FGF13: variants seen among roughly 807,000 people sequenced by gnomAD.
FGF13 encodes the protein fibroblast growth factor homologous factor 2.
In FGF13, 2 loss-of-function variants were observed where a neutral mutation model predicts 19.5. That is an observed-to-expected ratio of 0.10 (90% CI 0.04 to 0.32). The LOEUF is 0.32. Ranked by LOEUF, FGF13 falls within the 10% of genes least tolerant of loss-of-function variation. FGF13 has a pLI of 1.00. For synonymous variants in FGF13, 72 were observed against 76.9 expected (o/e 0.94, Z 0.33); for missense variants, 113 against 192.7 (o/e 0.59, Z 2.45).
intron 1 of FGF13, among the ~76,000 whole-genome samples, chrX:139,142,004 C>A (rs1453168385): frequency 9.0e-6 from 1 of 111,603 alleles, no homozygotes; most frequent in African/African-American, 3.3e-5. Context: ...AACCTTGGAG[C>A]TCAGGCAGAC....
chrX:138,703,784 G>A (rs1441135157), intron 2 of FGF13, among the ~76,000 whole-genome samples: 1 of 112,062 alleles, frequency 8.9e-6, no homozygotes, highest in Non-Finnish European at 1.9e-5. Flanking sequence ...GCCCGATCTC[G>A]GCTCACCACA....
At chrX:138,709,158 CTA>C (rs1406712254) in intron 1 of FGF13, among the ~76,000 whole-genome samples, 2 of 112,748 alleles carry the variant, frequency 1.8e-5, no homozygotes, top group African/African-American at 6.4e-5. Context: ...CTGAAAGTGT[CTA>C]TAGTTTCTGA....
intron 3 of FGF13, among the ~76,000 whole-genome samples, chrX:138,775,548 A>G (rs2090581399): frequency 8.9e-6 from 1 of 111,988 alleles, no homozygotes; most frequent in Admixed American, 9.5e-5. Flanking sequence ...GTCTCCATCC[A>G]ATTCTTATCT....
chrX:138,892,398 G>A (rs761279846), intron 1 of FGF13, among the ~76,000 whole-genome samples: 2 of 111,889 alleles, frequency 1.8e-5, no homozygotes, highest in Non-Finnish European at 3.8e-5. Context: ...ATACATATAT[G>A]TATATCACAA....
chrX:138,671,677 A>G (rs1294417942), intron 3 of FGF13, among the ~76,000 whole-genome samples: 1 of 111,410 alleles, frequency 9.0e-6, no homozygotes, highest in Non-Finnish European at 1.9e-5. Flanking sequence ...ACAGTGAGCA[A>G]AACAAAAATC....
chrX:138,851,581 G>T (rs915748794), intron 3 of FGF13, among the ~76,000 whole-genome samples: 5 of 111,342 alleles, frequency 4.5e-5, no homozygotes, highest in African/African-American at 1.6e-4. Flanking sequence ...AATAATAAGA[G>T]CCATTTATGA....
At chrX:138,745,165 A>G (rs979277814) in intron 3 of FGF13, among the ~76,000 whole-genome samples, 2 of 112,036 alleles carry the variant, frequency 1.8e-5, no homozygotes, top group African/African-American at 6.5e-5. Flanking sequence ...AAATCTGTCA[A>G]TGAACAAATT....
At chrX:139,183,541 G>GTTCACGTGAGATGTGAT (rs1464199715) in intron 1 of FGF13, among the ~76,000 whole-genome samples, 2 of 111,803 alleles carry the variant, frequency 1.8e-5, no homozygotes, top group Non-Finnish European at 3.8e-5. Flanking sequence ...TGAGATGTGA[G>GTTCACGTGAGATGTGAT]TTCACGTGAG....
rs1033010713 is a variant in FGF13, at chrX:139,189,346, T to C, written c.-113+14070A>G. 3.6e-5 allele frequency among the ~76,000 whole-genome samples: 4 copies of C among 111,946 alleles called. No individual in the cohort carries two copies. In the South Asian group the frequency reaches 1.1e-3, roughly 31 times the overall value. On this transcript the variant is annotated intron_variant, in intron 1 of 2. Transcript: ENST00000421460. ...GAAAAAAGATCTACACCCAAGTTCATAGCAGCATTATTCACAAGAGTCAGA... is the reference window on the plus strand; with the variant it reads ...GAAAAAAGATCTACACCCAAGTTCACAGCAGCATTATTCACAAGAGTCAGA...
chrX:138,871,120 A>G (rs919191650), intron 1 of FGF13, among the ~76,000 whole-genome samples: 1 of 112,383 alleles, frequency 8.9e-6, no homozygotes, highest in African/African-American at 3.2e-5. Context: ...CTTGATACTG[A>G]AAACCTAAGT....
chrX:139,064,598 T>C (rs1219108512), intron 1 of FGF13, among the ~76,000 whole-genome samples: 1 of 111,460 alleles, frequency 9.0e-6, no homozygotes, highest in African/African-American at 3.3e-5. Context: ...CTCTGGCTGA[T>C]CTTAACATTT....
At chrX:138,936,791 G>A (rs2091733305) in intron 1 of FGF13, among the ~76,000 whole-genome samples, 1 of 112,183 alleles carries the variant, frequency 8.9e-6, no homozygotes, top group Non-Finnish European at 1.9e-5. Context: ...TCCAGGGAAA[G>A]CATTAATGTT....
intron 1 of FGF13, among the ~76,000 whole-genome samples, chrX:139,001,516 A>G (rs887028736): frequency 5.4e-5 from 6 of 112,087 alleles, no homozygotes; most frequent in African/African-American, 1.9e-4. Context: ...CCCTTGAAAA[A>G]AAAATGAGTG....
In FGF13 at chrX:139,075,612, A is replaced by G. The variant is rs187729983; in HGVS notation, c.-113+127804T>C. ...TGGCTCAGAGTGGGCTTAGGCACAG[A>G]TGAAAGAAGGAACTGAAATAAAAAG... On this transcript the variant is annotated intron_variant, in intron 1 of 2. Coordinates refer to the FGF13 transcript ENST00000421460. Among the ~76,000 whole-genome samples, 41 of 111,853 alleles carry G rather than the reference A, an allele frequency of 3.7e-4. No homozygotes were observed. In the East Asian group the frequency reaches 8.2e-3, roughly 22 times the overall value.
At chrX:138,872,982 T>C (rs1305377481) in intron 1 of FGF13, among the ~76,000 whole-genome samples, 5 of 111,901 alleles carry the variant, frequency 4.5e-5, no homozygotes, top group Non-Finnish European at 7.5e-5. Flanking sequence ...TTGCTTTTTA[T>C]ACACTGTTCT....
intron 3 of FGF13, among the ~76,000 whole-genome samples, chrX:138,801,709 T>C (rs1645843476): frequency 1.8e-5 from 2 of 112,057 alleles, no homozygotes; most frequent in Non-Finnish European, 3.8e-5. Flanking sequence ...AGGTGCTCTT[T>C]CCCAGGGAGA....
intron 3 of FGF13, among the ~76,000 whole-genome samples, chrX:138,841,870 G>GT (rs1401092296): frequency 1.8e-5 from 2 of 111,267 alleles, no homozygotes; most frequent in African/African-American, 6.5e-5. Flanking sequence ...CCAGGATGAG[G>GT]TAAGGAAAAA....
rs143003268 is a variant in FGF13 at position 138,907,783 on chromosome X, A to C, written c.-112-43133T>G. On this transcript the variant is annotated intron_variant, in intron 1 of 2. Coordinates refer to the FGF13 transcript ENST00000421460. ...ATGAGCCATATACACATGGGGTTTC[A>C]CTGGCAGCTTTACTTGGTTTTGAGA... 1.6e-3 allele frequency among the ~76,000 whole-genome samples: 181 copies of C among 111,577 alleles called. 1 individual carries two copies. The highest frequency in any genetic ancestry group is 5.7e-3 in the African/African-American group (174 of 30,667).
chrX:138,675,272 C>G (rs1299346036), intron 3 of FGF13, among the ~76,000 whole-genome samples: 1 of 112,179 alleles, frequency 8.9e-6, no homozygotes, highest in Admixed American at 9.4e-5. Flanking sequence ...ACGCAGAGCT[C>G]ATTTGTTGTA....
Sources: gnomAD v4.1 joint callset for allele counts (sites outside exome capture counted in the v4.1 genomes callset) on GRCh38, gnomAD v4.1.1 for gene constraint, MANE v1.5 for transcripts, NCBI Gene and HGNC (gene_info 2026-07-23, HGNC 2026-07-21) for gene names.